ATP2C2: variants seen among roughly 807,000 people sequenced by gnomAD.
The protein encoded by ATP2C2 is calcium-transporting ATPase type 2C member 2.
A neutral mutation model predicts 110.8 loss-of-function variants in ATP2C2; 171 were observed. That is an observed-to-expected ratio of 1.54 (90% CI 1.36 to 1.75). ATP2C2 has a LOEUF of 1.75. Ranked by LOEUF, ATP2C2 falls within the 40% of genes most tolerant of loss-of-function variation. The pLI, the probability that ATP2C2 is intolerant of heterozygous loss-of-function variation, is 0.00. For missense variants in ATP2C2, 1,963 were observed against 1,235.0 expected (o/e 1.59, Z -8.84); for synonymous variants, 804 against 508.4 (o/e 1.58, Z -7.82).
intron 1 of ATP2C2, among the ~76,000 whole-genome samples, chr16:84,394,875 T>C (rs1345650451): frequency 6.6e-6 from 1 of 152,116 alleles, no homozygotes; most frequent in Non-Finnish European, 1.5e-5. Context: ...ATCATTTCTG[T>C]AAAGATGCCC....
intron 1 of ATP2C2, among the ~76,000 whole-genome samples, chr16:84,370,088 C>A (rs754607276): frequency 2.0e-5 from 3 of 152,148 alleles, no homozygotes; most frequent in Non-Finnish European, 1.5e-5. Context: ...TTCAAACTCT[C>A]CTGGTGTGTA....
intron 2 of ATP2C2, chr16:84,404,786 G>A: frequency 2.8e-6 from 1 of 355,826 alleles, no homozygotes. Context: ...CATAACAGCT[G>A]CACCATTTTA....
rs770850462 is a variant in ATP2C2 at position 84,462,066 on chromosome 16, C to T, written c.2659C>T (p.Leu887=). The T allele has an allele frequency of 1.9e-6, 3 of 1,613,948 alleles. No individual in the cohort carries two copies. Among genetic ancestry groups the T allele is most frequent in the Non-Finnish European group, 2.5e-6 (3 of 1,179,974 alleles). The change falls in exon 26 of 27, where the codon CTG becomes TTG. Residue 887 remains leucine (L), a synonymous_variant. Transcript: ENST00000262429. ...CGTCCTGGGGTCCATCCTGGGGCAG[C>T]TGGCGGTCATTTACATCCCCCCGCT... ...YSVLGSILGQ[L]AVIYIPPLQR...
chr16:84,428,937 G>C (rs247838), intron 11 of ATP2C2, among the ~76,000 whole-genome samples: 54,290 of 152,040 alleles, frequency 0.36, 10,687 homozygotes, highest in Middle Eastern at 0.44. Context: ...TGCTGTACAG[G>C]TGTCTTTGCT....
chr16:84,415,431 T>C, intron 6 of ATP2C2, 52 bp from the exon 7 acceptor site: 11 of 1,486,530 alleles, frequency 7.4e-6, no homozygotes, highest in Non-Finnish European at 9.4e-6. Flanking sequence ...TCAAGGTGCA[T>C]AAAAACAAAT....
intron 4 of ATP2C2, among the ~76,000 whole-genome samples, chr16:84,409,542 C>T (rs1334998129): frequency 6.6e-6 from 1 of 152,074 alleles, no homozygotes; most frequent in Non-Finnish European, 1.5e-5. Context: ...CAGAGTCTTG[C>T]TGTGTCGTCC....
At chr16:84,404,503 T>G (rs560945528) in intron 2 of ATP2C2, 8 of 175,388 alleles carry the variant, frequency 4.6e-5, no homozygotes, top group African/African-American at 1.9e-4. Context: ...TAAAGGTGTA[T>G]CCATGTTGTA....
At chr16:84,430,531 C>G (rs977654851) in intron 11 of ATP2C2, among the ~76,000 whole-genome samples, 3 of 150,850 alleles carry the variant, frequency 2.0e-5, no homozygotes, top group African/African-American at 7.3e-5. Context: ...ATCCCAGCTA[C>G]TGGGGGGCAG....
chr16:84,430,091 TTGA>T (rs1279250204), intron 11 of ATP2C2, among the ~76,000 whole-genome samples: 1 of 152,172 alleles, frequency 6.6e-6, no homozygotes, highest in Non-Finnish European at 1.5e-5. Context: ...CCATTTTTAT[TTGA>T]TGATGTCTGC....
intron 1 of ATP2C2, among the ~76,000 whole-genome samples, chr16:84,395,102 G>T (rs529445282): frequency 2.6e-5 from 4 of 152,240 alleles, no homozygotes; most frequent in African/African-American, 9.6e-5. Flanking sequence ...GAACTGTGCT[G>T]CTGTGAGCAG....
At chr16:84,419,205 C>G (rs1159252743) in intron 7 of ATP2C2, among the ~76,000 whole-genome samples, 1 of 50,946 alleles carries the variant, frequency 2.0e-5, no homozygotes, top group Non-Finnish European at 3.4e-5. Flanking sequence ...GAGACCCCAT[C>G]TTTAAAAAAA....
chr16:84,448,112 C>G (rs1909926277), intron 16 of ATP2C2, among the ~76,000 whole-genome samples: 1 of 152,040 alleles, frequency 6.6e-6, no homozygotes, highest in Admixed American at 6.6e-5. Flanking sequence ...CTATTACAAG[C>G]CAAGTGCTGG....
chr16:84,459,194 T>G lies in ATP2C2; in HGVS notation c.2216+6T>G. The G allele has an allele frequency of 6.2e-7, 1 of 1,614,238 alleles. No individual in the cohort carries two copies. Among genetic ancestry groups the G allele is most frequent in the Non-Finnish European group, 8.5e-7 (1 of 1,180,042 alleles). The stretch of plus-strand genomic sequence containing the variant: ...GTCCGATTCCAGCTGAGCACGTAAG[T>G]AGAGGCCAGCATTCCGAGTGTCATT... On this transcript the variant is annotated splice_donor_region_variant and intron_variant, in intron 22 of 26. Transcript: ENST00000262429.
intron 1 of ATP2C2, among the ~76,000 whole-genome samples, chr16:84,370,815 C>A (rs781077626): frequency 6.6e-6 from 1 of 152,138 alleles, no homozygotes; most frequent in Non-Finnish European, 1.5e-5. Context: ...TCCCCTCCCC[C>A]AGCCACTTTG....
At chr16:84,442,248 C>T (rs187916804) in intron 14 of ATP2C2, among the ~76,000 whole-genome samples, 20 of 152,116 alleles carry the variant, frequency 1.3e-4, no homozygotes, top group African/African-American at 4.1e-4. Flanking sequence ...CATTATCGGT[C>T]GCTCCCCGTT....
At chr16:84,427,986 C>A (rs1472936532) in intron 11 of ATP2C2, among the ~76,000 whole-genome samples, 1 of 152,144 alleles carries the variant, frequency 6.6e-6, no homozygotes, top group Non-Finnish European at 1.5e-5. Flanking sequence ...ATAGAACAGG[C>A]AACTAAGAAT....
intron 4 of ATP2C2, 39 bp downstream of exon 4, chr16:84,408,533 C>T (rs1227333242): frequency 6.5e-7 from 1 of 1,536,366 alleles, no homozygotes; most frequent in Non-Finnish European, 9.0e-7. Context: ...GGGCGGGCAG[C>T]CACAGGTCTG....
chr16:84,419,547 AG>A (rs1314069736), intron 7 of ATP2C2, among the ~76,000 whole-genome samples: 1 of 152,136 alleles, frequency 6.6e-6, no homozygotes, highest in Non-Finnish European at 1.5e-5. Context: ...TCCCAAGTTG[AG>A]GATTAGGATG....
intron 1 of ATP2C2, among the ~76,000 whole-genome samples, chr16:84,387,674 C>T (rs1163331611): frequency 1.3e-5 from 2 of 152,150 alleles, no homozygotes; most frequent in African/African-American, 2.4e-5. Flanking sequence ...AAGCTCACAG[C>T]CTATTCACTT....
Sources: gnomAD v4.1 joint callset for allele counts (sites outside exome capture counted in the v4.1 genomes callset) on GRCh38, gnomAD v4.1.1 for gene constraint, MANE v1.5 for transcripts, NCBI Gene and HGNC (gene_info 2026-07-23, HGNC 2026-07-21) for gene names.